PDE7B: variants seen among roughly 807,000 people sequenced by gnomAD.
PDE7B encodes the protein phosphodiesterase 7B.
In PDE7B, 29 loss-of-function variants were observed where a neutral mutation model predicts 56.2. That is an observed-to-expected ratio of 0.52 (90% CI 0.38 to 0.70). PDE7B has a LOEUF of 0.70. PDE7B is among the 30% of genes least tolerant of loss of function. PDE7B has a pLI of 0.00. For synonymous variants in PDE7B, 197 were observed against 196.9 expected (o/e 1.00, Z 0.00); for missense variants, 490 against 565.0 (o/e 0.87, Z 1.35).
intron 1 of PDE7B, among the ~76,000 whole-genome samples, chr6:135,879,125 A>C (rs530048921): frequency 2.6e-5 from 4 of 152,278 alleles, no homozygotes; most frequent in South Asian, 4.1e-4. Flanking sequence ...ATTATTAATT[A>C]TAAAAAGATT....
At chr6:136,038,200 CAGCAGA>C in intron 2 of PDE7B, 1 of 1,299,348 alleles carries the variant, frequency 7.7e-7, no homozygotes, top group Non-Finnish European at 1.0e-6. Context: ...GCAGCAGCAG[CAGCAGA>C]AGCAGAAACA....
At chr6:135,924,451 G>A (rs2128195839) in intron 1 of PDE7B, among the ~76,000 whole-genome samples, 1 of 152,172 alleles carries the variant, frequency 6.6e-6, no homozygotes, top group Non-Finnish European at 1.5e-5. Context: ...TGAGCAGTCT[G>A]AGAGCCTGAA....
intron 2 of PDE7B, among the ~76,000 whole-genome samples, chr6:135,995,251 T>C (rs1027809986): frequency 7.1e-6 from 1 of 141,670 alleles, no homozygotes; most frequent in African/African-American, 2.6e-5. Context: ...ACTCAGTCCA[T>C]ACTAATCCAT....
intron 2 of PDE7B, among the ~76,000 whole-genome samples, chr6:135,983,717 T>A (rs1197941488): frequency 6.6e-6 from 1 of 152,228 alleles, no homozygotes; most frequent in Middle Eastern, 3.2e-3. Flanking sequence ...AGAAAGTGAT[T>A]CTCTGCAGTC....
chr6:136,002,875 C>G (rs1203317591), intron 2 of PDE7B, among the ~76,000 whole-genome samples: 1 of 152,044 alleles, frequency 6.6e-6, no homozygotes, highest in African/African-American at 2.4e-5. Flanking sequence ...CAGAACTCTC[C>G]ACCCCAAATC....
chr6:135,883,579 TA>T (rs1321386944), intron 1 of PDE7B, among the ~76,000 whole-genome samples: 2 of 152,144 alleles, frequency 1.3e-5, no homozygotes, highest in East Asian at 3.9e-4. Context: ...TTACAGTAAA[TA>T]AATGTTGTCA....
At chr6:135,934,918 TTTAA>T (rs1475897738) in intron 1 of PDE7B, among the ~76,000 whole-genome samples, 2 of 107,088 alleles carry the variant, frequency 1.9e-5, no homozygotes, top group Non-Finnish European at 1.7e-5. Context: ...TAAATATTTA[TTTAA>T]ATATATATTT....
chr6:135,893,135 G>A (rs1029212744), intron 1 of PDE7B, among the ~76,000 whole-genome samples: 4 of 151,794 alleles, frequency 2.6e-5, no homozygotes, highest in Non-Finnish European at 5.9e-5. Flanking sequence ...TGTTACATAT[G>A]TATACATGTG....
chr6:136,056,616 C>A (rs1251550236), intron 2 of PDE7B, among the ~76,000 whole-genome samples: 1 of 146,732 alleles, frequency 6.8e-6, no homozygotes, highest in Non-Finnish European at 1.5e-5. Flanking sequence ...ACTGCAACCT[C>A]CGCCTCCTGG....
rs189830934 is a variant in PDE7B, at chr6:135,922,802, T to A, written c.22-24662T>A. ...ATAGCATCATTATACATTACTCTTG[T>A]TACCTATTAAGTGCTCAAGAAAACC... is the stretch of plus-strand genomic sequence containing the variant. On this transcript the variant is annotated intron_variant, in intron 1 of 12. Coordinates refer to ENST00000308191, the MANE Select transcript of PDE7B (RefSeq NM_018945.4). Among the ~76,000 whole-genome samples, 70 of 152,324 alleles carry A rather than the reference T, an allele frequency of 4.6e-4. 2 individuals carry two copies. In the East Asian group the frequency reaches 0.013, roughly 29 times the overall value.
At chr6:136,179,252 G>A (rs945200026) in intron 10 of PDE7B, 111 bp downstream of exon 10, 3 of 890,192 alleles carry the variant, frequency 3.4e-6, no homozygotes, top group African/African-American at 3.3e-5. Context: ...GAGGCATGGG[G>A]ATCACTTGAG....
chr6:136,167,776 C>T (rs1778818422), intron 8 of PDE7B, among the ~76,000 whole-genome samples: 1 of 152,096 alleles, frequency 6.6e-6, no homozygotes, highest in South Asian at 2.1e-4. Context: ...TGTTCTCTTA[C>T]TTAGCAAATT....
At chr6:136,052,363 G>A (rs1343491416) in intron 2 of PDE7B, among the ~76,000 whole-genome samples, 4 of 152,220 alleles carry the variant, frequency 2.6e-5, no homozygotes, top group African/African-American at 9.7e-5. Context: ...CGGGTATGTG[G>A]AGCAGTTTTT....
chr6:136,086,947 C>T (rs747591993), intron 2 of PDE7B, among the ~76,000 whole-genome samples: 5 of 152,138 alleles, frequency 3.3e-5, no homozygotes, highest in South Asian at 2.1e-4. Flanking sequence ...GGGCATCGTG[C>T]GCCAGATTCT....
intron 2 of PDE7B, among the ~76,000 whole-genome samples, chr6:136,029,249 A>T (rs148022857): frequency 6.6e-6 from 1 of 152,334 alleles, no homozygotes; most frequent in East Asian, 1.9e-4. Context: ...TGAAAAACAC[A>T]ATTTAATAGT....
chr6:135,862,487 T>C (rs1775169001), intron 1 of PDE7B, among the ~76,000 whole-genome samples: 6 of 151,998 alleles, frequency 3.9e-5, no homozygotes, highest in South Asian at 4.1e-4. Flanking sequence ...CCTAAAATTA[T>C]CCTTTTTTGT....
At position 136,122,001 on chromosome 6, in the gene PDE7B, C is replaced by CT. The variant is rs555401670; in HGVS notation, c.166+13199dup. Among the ~76,000 whole-genome samples the CT allele has an allele frequency of 4.2e-3, 612 of 145,822 alleles. 3 individuals carry two copies. The highest frequency in any genetic ancestry group is 9.9e-3 in the African/African-American group (394 of 39,998). ...ATGGTCTTGAATGCCAATTTATAAT[C>CT]TTTTTTTTTTTTGAGACGGAGTCTT... On this transcript the variant is annotated intron_variant, in intron 3 of 12. Transcript: ENST00000308191.
At position 136,089,965 on chromosome 6, in the gene PDE7B, C is replaced by G. The variant is rs193075311; in HGVS notation, c.83-18766C>G. 2.4e-3 allele frequency among the ~76,000 whole-genome samples: 372 copies of G among 152,286 alleles called. 1 individual carries two copies. Among genetic ancestry groups the G allele is most frequent in the Middle Eastern group, 0.014 (4 of 294 alleles). Reference sequence around the variant, plus strand: ...GGAATGTAATCTTTCCTATAGCCATCTGTCTTTCCAAAGCATCTATCTTAG... The same window carrying G: ...GGAATGTAATCTTTCCTATAGCCATGTGTCTTTCCAAAGCATCTATCTTAG... On this transcript the variant is annotated intron_variant, in intron 2 of 12. Coordinates refer to ENST00000308191, the MANE Select transcript of PDE7B (RefSeq NM_018945.4).
At chr6:136,057,628 T>A (rs1335491088) in intron 2 of PDE7B, among the ~76,000 whole-genome samples, 1 of 152,202 alleles carries the variant, frequency 6.6e-6, no homozygotes, top group Non-Finnish European at 1.5e-5. Context: ...GATTTTTGAG[T>A]TGTCAATTAT....
Sources: allele counts gnomAD v4.1 joint callset (sites outside exome capture counted in the v4.1 genomes callset), GRCh38; gene constraint gnomAD v4.1.1; transcripts MANE v1.5; gene names NCBI Gene and HGNC (gene_info 2026-07-23, HGNC 2026-07-21).